ZNF33A: variants seen among roughly 807,000 people sequenced by gnomAD.
ZNF33A encodes zinc finger protein 33A, also known as brain my041 protein.
In ZNF33A, 9 loss-of-function variants were observed where a neutral mutation model predicts 15.9. That is an observed-to-expected ratio of 0.57 (90% CI 0.34 to 0.99). The LOEUF is 0.99. Among genes scored for constraint, ZNF33A ranks in the 50% least tolerant of loss-of-function variants. ZNF33A has a pLI of 0.02. For missense variants in ZNF33A, 843 were observed against 941.6 expected, an observed-to-expected ratio of 0.90 and a Z score of 1.37; for synonymous variants, 294 against 324.2, an observed-to-expected ratio of 0.91 and a Z score of 1.00.
chr10:38,030,020 CAA>C (rs997339369), intron 4 of ZNF33A, among the ~76,000 whole-genome samples: 1 of 152,068 alleles, frequency 6.6e-6, no homozygotes, highest in Admixed American at 6.6e-5. Context: ...AGGATAAATG[CAA>C]AGAGACTTAT....
At chr10:38,020,989 C>G (rs2064711217) in intron 4 of ZNF33A, among the ~76,000 whole-genome samples, 1 of 152,176 alleles carries the variant, frequency 6.6e-6, no homozygotes. Context: ...TGTGAAACTG[C>G]TGCTTTTGTG....
At chr10:38,021,625 C>T (rs1194096345) in intron 4 of ZNF33A, among the ~76,000 whole-genome samples, 2 of 151,880 alleles carry the variant, frequency 1.3e-5, no homozygotes, top group Non-Finnish European at 2.9e-5. Context: ...CAGAATAAGA[C>T]TCTGTCTCAA....
rs1489839187 is a variant in ZNF33A at position 38,054,705 on chromosome 10, T to C, written c.581T>C (p.Leu194Ser). The C allele has an allele frequency of 6.2e-7, 1 of 1,613,720 alleles. No individual in the cohort carries two copies. The highest frequency in any genetic ancestry group is 8.5e-7 in the Non-Finnish European group (1 of 1,179,942). The change falls in exon 5 of 5, where the codon TTG (leucine) becomes TCG (serine). Residue 194 changes from leucine to serine, a missense_variant. Coordinates refer to ENST00000432900, the MANE Select transcript of ZNF33A (RefSeq NM_006954.2). Reference protein sequence around the residue: ...ETHTQEKNEVLKNRNTLSHHE... With the variant: ...ETHTQEKNEVSKNRNTLSHHE... ...CATACTCAAGAGAAAAATGAAGTTT[T>C]GAAAAATAGGAACACACTGAGTCAT... is the stretch of plus-strand genomic sequence containing the variant.
intron 4 of ZNF33A, among the ~76,000 whole-genome samples, chr10:38,027,478 T>C (rs999633079): frequency 1.3e-5 from 2 of 151,878 alleles, no homozygotes; most frequent in Non-Finnish European, 2.9e-5. Context: ...TTCATCCTGC[T>C]GAGGGGACTA....
rs548986660 is a variant in ZNF33A at position 38,024,048 on chromosome 10, C to T, written c.250+6662C>T. Among the ~76,000 whole-genome samples, 3 of 149,786 alleles carry T rather than the reference C, an allele frequency of 2.0e-5. No individual in the cohort carries two copies. The South Asian group carries it at 6.3e-4, about 31-fold the overall frequency. On this transcript the variant is annotated intron_variant, in intron 4 of 4. Coordinates refer to ENST00000432900, the MANE Select transcript of ZNF33A (RefSeq NM_006954.2). ...TGGTGCATGCCTGTAATCCCAGCTA[C>T]GTGGGAGGCAGGAGAATTGCTTCAA...
chr10:38,056,158 A>G lies in ZNF33A; in HGVS notation c.2034A>G (p.Ser678=). The G allele has an allele frequency of 2.5e-6, 4 of 1,614,110 alleles. No homozygotes were observed. The highest frequency in any genetic ancestry group is 3.4e-6 in the Non-Finnish European group (4 of 1,179,990). The change falls in exon 5 of 5, where the codon TCA becomes TCG. Residue 678 remains serine, a synonymous_variant. Coordinates refer to ENST00000432900, the MANE Select transcript of ZNF33A (RefSeq NM_006954.2). ...NECGKSFCVK[S]GLIFHERKHT... ...GTGGAAAATCTTTCTGTGTAAAATC[A>G]GGACTTATTTTCCATGAGAGAAAGC... is the stretch of plus-strand genomic sequence containing the variant.
chr10:38,063,968 C>T, downstream of ZNF33A: 1 of 930,150 alleles, frequency 1.1e-6, no homozygotes, highest in Non-Finnish European at 1.7e-6. Flanking sequence ...TCTGTGGTGC[C>T]TGCAGGACAG....
Position 38,055,624 on chromosome 10 carries a change from T to C in ZNF33A, c.1500T>C (p.Asn500=), listed in dbSNP as rs749820931. The change falls in exon 5 of 5, where the codon AAT becomes AAC. Residue 500 remains asparagine (N), a synonymous_variant. Transcript: ENST00000432900. ...IHIGDKSYEC[N]ACGKTFYHKS... is the part of the protein sequence containing the mutation. ...TAGGAGATAAATCTTATGAATGTAATGCATGTGGGAAAACTTTCTACCACA... is the reference window on the plus strand; with the variant it reads ...TAGGAGATAAATCTTATGAATGTAACGCATGTGGGAAAACTTTCTACCACA... 1 of 1,613,964 alleles carries C rather than the reference T, an allele frequency of 6.2e-7. No individual in the cohort carries two copies. Among genetic ancestry groups the C allele is most frequent in the Non-Finnish European group, 8.5e-7 (1 of 1,180,012 alleles).
chr10:38,018,079 G>A lies in ZNF33A; in HGVS notation c.250+693G>A, dbSNP rs186803841. Among the ~76,000 whole-genome samples, 202 of 152,320 alleles carry A rather than the reference G, an allele frequency of 1.3e-3. 1 individual carries two copies. The highest frequency in any genetic ancestry group is 4.5e-3 in the African/African-American group (186 of 41,576). ...ACTGCACTCCAGCCTGAGCAACAGA[G>A]TGAGACTTTGTCTCAAAAATAAGTA... On this transcript the variant is annotated intron_variant, in intron 4 of 4. Coordinates refer to ENST00000432900, the MANE Select transcript of ZNF33A (RefSeq NM_006954.2).
At chr10:38,047,220 C>T (rs1375560935) in intron 4 of ZNF33A, among the ~76,000 whole-genome samples, 1 of 87,976 alleles carries the variant, frequency 1.1e-5, no homozygotes, top group Non-Finnish European at 2.3e-5. Context: ...AAAAGAATAA[C>T]ACATAGGGCA....
At chr10:38,040,083 A>C (rs1225721943) in intron 4 of ZNF33A, among the ~76,000 whole-genome samples, 1 of 151,450 alleles carries the variant, frequency 6.6e-6, no homozygotes, top group Non-Finnish European at 1.5e-5. Flanking sequence ...CATTTTTTCT[A>C]ATTTTCCTTC....
intron 4 of ZNF33A, among the ~76,000 whole-genome samples, chr10:38,030,636 G>T (rs72793728): frequency 0.057 from 8,629 of 152,186 alleles, 378 homozygotes; most frequent in Non-Finnish European, 0.077. Flanking sequence ...ACTAGAGAAG[G>T]CTCCTAAGGA....
chr10:38,035,538 G>T (rs1763762731), intron 4 of ZNF33A, among the ~76,000 whole-genome samples: 2 of 152,278 alleles, frequency 1.3e-5, no homozygotes, highest in East Asian at 1.9e-4. Context: ...CAGTACTTAC[G>T]TGCAGATTTT....
At position 38,057,104 on chromosome 10, in the gene ZNF33A, C is replaced by G. The variant is rs2135780269; in HGVS notation, c.*544C>G. On this transcript the variant is annotated 3_prime_UTR_variant, in exon 5 of 5. Transcript: ENST00000432900. ...CTTAGTCAGATTTTACTATGGTTTGCATGCACTCTGTGTGTGTGTGTACGT... is the reference window on the plus strand; with the variant it reads ...CTTAGTCAGATTTTACTATGGTTTGGATGCACTCTGTGTGTGTGTGTACGT... 1 of 697,392 alleles carries G rather than the reference C, an allele frequency of 1.4e-6. No homozygotes were observed. Among genetic ancestry groups the G allele is most frequent in the South Asian group, 6.2e-5 (1 of 16,014 alleles). The allele number at this position is 697,392 out of a possible 1,614,324, so 43.2% of individuals were successfully genotyped here. A position where few individuals can be genotyped will look rare whatever the true frequency, so the allele number is the denominator to read the frequency against.
At chr10:38,030,535 C>T (rs1409429323) in intron 4 of ZNF33A, among the ~76,000 whole-genome samples, 2 of 152,130 alleles carry the variant, frequency 1.3e-5, no homozygotes, top group Non-Finnish European at 2.9e-5. Context: ...AACCCTCCTA[C>T]CCCCAATGTT....
At position 38,017,574 on chromosome 10, in the gene ZNF33A, T is replaced by C. The variant is rs115247967; in HGVS notation, c.250+188T>C. ...ATACTACTCACAAAAAATTCCTCCT[T>C]TTTGAATCGTTTTTTGAATGTTTAC... On this transcript the variant is annotated intron_variant, in intron 4 of 4. Coordinates refer to ENST00000432900, the MANE Select transcript of ZNF33A (RefSeq NM_006954.2). 1,605 of 433,680 alleles carry C rather than the reference T, an allele frequency of 3.7e-3. 14 individuals are homozygous for C. Among genetic ancestry groups the C allele is most frequent in the Middle Eastern group, 0.03 (47 of 1,570 alleles). The allele number at this position is 433,680 out of a possible 1,614,324, so 26.9% of individuals were successfully genotyped here.
chr10:38,062,647 G>T (rs1452666473), downstream of ZNF33A, among the ~76,000 whole-genome samples: 1 of 152,164 alleles, frequency 6.6e-6, no homozygotes, highest in Non-Finnish European at 1.5e-5. Flanking sequence ...GTTCAAGGCT[G>T]CAGTGAGCTA....
intron 4 of ZNF33A, chr10:38,043,752 G>A (rs920408385): frequency 3.9e-5 from 6 of 151,984 alleles, no homozygotes; most frequent in African/African-American, 1.2e-4. Context: ...TCTCTGATGA[G>A]AAGCCATATG....
intron 2 of ZNF33A, among the ~76,000 whole-genome samples, chr10:38,014,874 T>C (rs1250659722): frequency 1.3e-5 from 2 of 152,172 alleles, no homozygotes; most frequent in Admixed American, 6.6e-5. Context: ...ATATATAAAT[T>C]TGGGAAGAAT....
Sources: allele counts gnomAD v4.1 joint callset (sites outside exome capture counted in the v4.1 genomes callset), GRCh38; gene constraint gnomAD v4.1.1; transcripts MANE v1.5; gene names NCBI Gene and HGNC (gene_info 2026-07-23, HGNC 2026-07-21).